ZNF131: variants seen among roughly 807,000 people sequenced by gnomAD.
ZNF131 encodes the protein zinc finger protein 131.
Under a neutral mutation model 60.0 loss-of-function variants are expected in ZNF131, and 7 were observed. The ratio of observed to expected loss-of-function variants is 0.12; its 90% CI spans 0.07 to 0.22. The LOEUF (loss-of-function observed/expected upper bound fraction) is 0.22, where lower values mean the gene tolerates loss of function less well. ZNF131 is among the 10% of genes least tolerant of loss of function. The pLI, the probability that ZNF131 is intolerant of heterozygous loss-of-function variation, is 1.00. For synonymous variants in ZNF131, 257 were observed against 253.2 expected (o/e 1.01, Z -0.14); for missense variants, 493 against 740.9 (o/e 0.67, Z 3.88).
intron 4 of ZNF131, among the ~76,000 whole-genome samples, chr5:43,159,500 C>G (rs1749369945): frequency 6.6e-6 from 1 of 151,894 alleles, no homozygotes; most frequent in Non-Finnish European, 1.5e-5. Flanking sequence ...TCAAGACCAC[C>G]CTGGCCAACA....
intron 3 of ZNF131, chr5:43,124,675 A>G (rs981732932): frequency 1.3e-5 from 2 of 152,180 alleles, no homozygotes; most frequent in Admixed American, 1.3e-4. Context: ...GGTTTATTAA[A>G]TATGTGACCC....
Position 43,161,766 on chromosome 5 carries a change from T to C in ZNF131, c.889T>C (p.Tyr297His). The C allele has an allele frequency of 6.2e-7, 1 of 1,614,230 alleles. No homozygotes were observed. ...SFKCEICNKR[Y>H]LRESAWKQHL... Reference sequence around the variant, plus strand: ...CAAGTGTGAAATATGCAATAAACGATATCTTCGAGAGAGCGCATGGAAACA... The same window carrying C: ...CAAGTGTGAAATATGCAATAAACGACATCTTCGAGAGAGCGCATGGAAACA... The change falls in exon 5 of 7, where the codon TAT becomes CAT. Residue 297 changes from tyrosine to histidine, a missense_variant. Tyr to His is a moderately conservative substitution (Grantham distance 83, BLOSUM62 2). Around this residue, in one of 7 missense-constraint regions of ZNF131, gnomAD observed 26 missense variants for 63.3 expected, o/e 0.41. Coordinates refer to ENST00000682664, the MANE Select transcript of ZNF131 (RefSeq NM_001330707.2).
At chr5:43,133,505 A>G (rs1745631835) in intron 3 of ZNF131, among the ~76,000 whole-genome samples, 1 of 152,124 alleles carries the variant, frequency 6.6e-6, no homozygotes, top group Non-Finnish European at 1.5e-5. Flanking sequence ...GTATTTATTC[A>G]TTTATTCCTG....
At chr5:43,128,735 G>T (rs938650179) in intron 3 of ZNF131, among the ~76,000 whole-genome samples, 1 of 147,906 alleles carries the variant, frequency 6.8e-6, no homozygotes, top group East Asian at 2.0e-4. Flanking sequence ...TCCCAGTTTT[G>T]ATTCCAAAGA....
Position 43,140,853 on chromosome 5 carries a change from G to T in ZNF131, c.371+1544G>T, listed in dbSNP as rs149700909. Reference sequence around the variant, plus strand: ...CTGTCTCAGCCTCCTGAGTAGCTGGGATTACAGGTGCCTGCCACCATGCCC... The same window carrying T: ...CTGTCTCAGCCTCCTGAGTAGCTGGTATTACAGGTGCCTGCCACCATGCCC... On this transcript the variant is annotated intron_variant, in intron 4 of 6. Coordinates refer to ENST00000682664, the MANE Select transcript of ZNF131 (RefSeq NM_001330707.2). 4.9e-3 allele frequency among the ~76,000 whole-genome samples: 743 copies of T among 152,204 alleles called. 5 individuals are homozygous for T. The highest frequency in any genetic ancestry group is 0.016 in the African/African-American group (672 of 41,508).
chr5:43,147,361 A>T (rs934865542), intron 4 of ZNF131, among the ~76,000 whole-genome samples: 1 of 151,774 alleles, frequency 6.6e-6, no homozygotes, highest in Non-Finnish European at 1.5e-5. Context: ...GTGTATGTTT[A>T]ACTTTGGAAA....
In ZNF131 at chr5:43,175,621, G is replaced by C; in HGVS notation, c.*488G>C. 1.9e-6 allele frequency: 1 copy of C among 524,240 alleles called. No homozygotes were observed. The highest frequency in any genetic ancestry group is 2.5e-5 in the South Asian group (1 of 40,674). 32.5% of individuals were successfully genotyped at this position (524,240 alleles called of 1,614,324 possible). ...CTGTGCAGTTAAATTTTGGCTTCTG[G>C]CTTTCTTTAGTTTGAACAAACGTTC... On this transcript the variant is annotated 3_prime_UTR_variant, in exon 7 of 7. Transcript: ENST00000682664.
intron 5 of ZNF131, among the ~76,000 whole-genome samples, chr5:43,170,050 T>C (rs1434619694): frequency 6.6e-6 from 1 of 152,144 alleles, no homozygotes; most frequent in Non-Finnish European, 1.5e-5. Context: ...TCATCCTCCC[T>C]AATAATATGC....
At chr5:43,136,325 A>G (rs1432620369) in intron 3 of ZNF131, among the ~76,000 whole-genome samples, 1 of 152,142 alleles carries the variant, frequency 6.6e-6, no homozygotes, top group Non-Finnish European at 1.5e-5. Flanking sequence ...AAAGTGGGCT[A>G]CAGATTCAAT....
At chr5:43,143,322 C>A in intron 4 of ZNF131, 1 of 1,255,714 alleles carries the variant, frequency 8.0e-7, no homozygotes, top group Non-Finnish European at 1.0e-6. Flanking sequence ...CGCCCGGCCT[C>A]AAGCTTTTAT....
At chr5:43,142,212 G>A (rs1188295829) in intron 4 of ZNF131, among the ~76,000 whole-genome samples, 4 of 150,838 alleles carry the variant, frequency 2.7e-5, no homozygotes, top group Admixed American at 6.6e-5. Flanking sequence ...GCGTTGTGGC[G>A]GGCGCCTGTA....
chr5:43,172,533 A>G (rs576081287), intron 5 of ZNF131, among the ~76,000 whole-genome samples: 2 of 152,196 alleles, frequency 1.3e-5, no homozygotes, highest in East Asian at 3.9e-4. Context: ...GAGACACAAG[A>G]ATCACTTGAA....
At chr5:43,148,596 A>G (rs1747913663) in intron 4 of ZNF131, among the ~76,000 whole-genome samples, 1 of 152,248 alleles carries the variant, frequency 6.6e-6, no homozygotes, top group East Asian at 1.9e-4. Flanking sequence ...AGCTATAGAC[A>G]GTATGTAAAT....
chr5:43,159,660 A>T (rs891157851), intron 4 of ZNF131, among the ~76,000 whole-genome samples: 10 of 145,838 alleles, frequency 6.9e-5, no homozygotes, highest in Non-Finnish European at 1.3e-4. Context: ...GTGCCACTGC[A>T]CTCCAGCCTG....
intron 3 of ZNF131, among the ~76,000 whole-genome samples, chr5:43,126,975 C>G (rs1199723888): frequency 2.0e-5 from 3 of 152,154 alleles, no homozygotes; most frequent in Non-Finnish European, 4.4e-5. Flanking sequence ...GGGCTGTCCT[C>G]AAGTCTAAGC....
At position 43,161,536 on chromosome 5, in the gene ZNF131, A is replaced by C. The variant is rs766249700; in HGVS notation, c.659A>C (p.Lys220Thr). 5 of 1,614,296 alleles carry C rather than the reference A, an allele frequency of 3.1e-6. No individual in the cohort carries two copies. The highest frequency in any genetic ancestry group is 4.2e-6 in the Non-Finnish European group (5 of 1,180,058). Residue 220 changes from lysine to threonine, a missense_variant, in exon 5 of 7, where the codon AAG (lysine) becomes ACG (threonine). By Grantham distance (78) the Lys-to-Thr change is moderately conservative (BLOSUM62 -1). Transcript: ENST00000682664. ...ALALLADITS[K>T]YRQGDRKGQI... Reference sequence around the variant, plus strand: ...GCACTGTTGGCAGATATTACCAGCAAGTACCGTCAAGGTGACAGAAAAGGG... The same window carrying C: ...GCACTGTTGGCAGATATTACCAGCACGTACCGTCAAGGTGACAGAAAAGGG...
chr5:43,171,895 C>A (rs568316924), intron 5 of ZNF131, among the ~76,000 whole-genome samples: 1 of 152,108 alleles, frequency 6.6e-6, no homozygotes, highest in Admixed American at 6.6e-5. Context: ...GCTGGGATTA[C>A]GGGTGTGAGC....
chr5:43,125,334 CTT>C (rs1316457329), intron 3 of ZNF131, among the ~76,000 whole-genome samples: 12 of 151,380 alleles, frequency 7.9e-5, no homozygotes, highest in Admixed American at 7.9e-4. Flanking sequence ...GATTTTAGCT[CTT>C]GTTACCCAGG....
At chr5:43,174,335 A>G (rs1751345080) in intron 6 of ZNF131, 112 bp from the exon 7 acceptor site, 1 of 996,786 alleles carries the variant, frequency 1.0e-6, no homozygotes, top group Non-Finnish European at 1.4e-6. Context: ...TACCATATTT[A>G]TAACATTTAC....
Sources: gnomAD v4.1 joint callset for allele counts (sites outside exome capture counted in the v4.1 genomes callset) on GRCh38, gnomAD v4.1.1 for gene constraint, gnomAD v4.1.1 regional missense constraint, MANE v1.5 for transcripts, NCBI Gene and HGNC (gene_info 2026-07-23, HGNC 2026-07-21) for gene names.